WEE2: variants seen among roughly 807,000 people sequenced by gnomAD.
WEE2 encodes WEE2 oocyte meiosis inhibiting kinase.
Under a neutral mutation model 60.1 loss-of-function variants are expected in WEE2, and 50 were observed. The observed-to-expected ratio is 0.83, with a 90% confidence interval of 0.66 to 1.05. The LOEUF is 1.05. WEE2 is among the 50% of genes least tolerant of loss of function. The pLI is 0.00. For missense variants in WEE2, 631 were observed against 684.3 expected, an observed-to-expected ratio of 0.92 and a Z score of 0.87; for synonymous variants, 240 against 241.0, an observed-to-expected ratio of 1.00 and a Z score of 0.04.
rs776139333 is a variant in WEE2, at chr7:141,708,869, G to A, written c.111G>A (p.Ser37=). The A allele has an allele frequency of 1.9e-5, 31 of 1,614,148 alleles. 1 individual carries two copies. In the South Asian group the frequency reaches 2.1e-4, roughly 11 times the overall value. The change falls in exon 1 of 12, where the codon TCG becomes TCA. Residue 37 remains serine, a synonymous_variant. Coordinates refer to ENST00000397541, the MANE Select transcript of WEE2 (RefSeq NM_001105558.1). ...QKKVEESREA[S]SQTPEKGEVQ... ...AAGTAGAAGAAAGCAGGGAGGCTTC[G>A]AGCCAAACCCCAGAGAAGGGTGAAG...
At chr7:141,710,728 A>G (rs965871990) in intron 1 of WEE2, among the ~76,000 whole-genome samples, 3 of 152,154 alleles carry the variant, frequency 2.0e-5, no homozygotes, top group African/African-American at 4.8e-5. Context: ...CCACCAAGTT[A>G]TGGAGGGGAA....
At chr7:141,722,084 T>C (rs1798922925) in intron 5 of WEE2, among the ~76,000 whole-genome samples, 1 of 152,116 alleles carries the variant, frequency 6.6e-6, no homozygotes, top group African/African-American at 2.4e-5. Flanking sequence ...CTCTATAATT[T>C]GAAGAACCTG....
chr7:141,727,999 G>A (rs910095474), intron 10 of WEE2: 1 of 152,434 alleles, frequency 6.6e-6, no homozygotes, highest in African/African-American at 2.4e-5. Flanking sequence ...TACCTGGCAG[G>A]GAAGATACCA....
intron 3 of WEE2, 81 bp downstream of exon 3, chr7:141,716,348 T>C (rs1359893375): frequency 1.2e-5 from 15 of 1,233,880 alleles, no homozygotes; most frequent in African/African-American, 3.3e-5. Context: ...CCCTTCTCCC[T>C]CTCTCTCCTC....
At position 141,716,418 on chromosome 7, in the gene WEE2, C is replaced by A. The variant is rs376156110; in HGVS notation, c.585+151C>A. On this transcript the variant is annotated intron_variant, in intron 3 of 11. Transcript: ENST00000397541. ...TTCCTCACCCTCCCCTCCTCTCCTT[C>A]ACCCTGCACCCTCCCTCCCCTTCTT... The A allele has an allele frequency of 1.4e-4, 94 of 691,424 alleles. No individual in the cohort carries two copies. In the African/African-American group the frequency reaches 1.6e-3, roughly 12 times the overall value. The allele number at this position is 691,424 out of a possible 1,614,324, so 42.8% of individuals were successfully genotyped here. A position where few individuals can be genotyped will look rare whatever the true frequency, so the allele number is the denominator to read the frequency against.
chr7:141,729,981 CTG>C (rs575910317), intron 11 of WEE2, among the ~76,000 whole-genome samples: 263 of 135,116 alleles, frequency 1.9e-3, no homozygotes, highest in African/African-American at 7.4e-3. Context: ...GAGCGAGACT[CTG>C]TATCTAAAAA....
chr7:141,729,488 C>G, intron 10 of WEE2, 43 bp from the exon 11 acceptor site: 1 of 1,613,304 alleles, frequency 6.2e-7, no homozygotes, highest in Non-Finnish European at 8.5e-7. Flanking sequence ...ATATCTCTGA[C>G]TGGAGATCAA....
chr7:141,716,161 C>A, intron 2 of WEE2, 61 bp from the exon 3 acceptor site: 1 of 1,389,960 alleles, frequency 7.2e-7, no homozygotes. Flanking sequence ...TAGAACCTAG[C>A]ATAGTTCGGC....
chr7:141,709,765 G>A (rs1283754535), intron 1 of WEE2, among the ~76,000 whole-genome samples: 1 of 152,160 alleles, frequency 6.6e-6, no homozygotes, highest in East Asian at 1.9e-4. Context: ...TGGCAAATAA[G>A]CAAGAGTCCC....
At chr7:141,709,237 GAA>G in intron 1 of WEE2, 137 bp downstream of exon 1, 1 of 648,304 alleles carries the variant, frequency 1.5e-6, no homozygotes, top group Admixed American at 3.0e-5. Context: ...ATTTATTGAT[GAA>G]AATGAAGAAA....
Position 141,725,158 on chromosome 7 carries a change from C to T in WEE2, c.1354C>T (p.Pro452Ser). The T allele has an allele frequency of 6.2e-7, 1 of 1,614,190 alleles. No individual in the cohort carries two copies. Among genetic ancestry groups the T allele is most frequent in the Non-Finnish European group, 8.5e-7 (1 of 1,180,032 alleles). ...HIRKGNFPDV[P>S]QELSESFSSL... is the part of the protein sequence containing the mutation. ...CCGCAAGGGTAACTTTCCGGACGTT[C>T]CTCAGGAGCTCTCAGAAAGCTTTTC... is the stretch of plus-strand genomic sequence containing the variant. Residue 452 changes from proline (P) to serine (S), a missense_variant, in exon 9 of 12, where the codon CCT (proline) becomes TCT (serine). Transcript: ENST00000397541.
intron 1 of WEE2, among the ~76,000 whole-genome samples, chr7:141,710,188 C>G (rs77730357): frequency 0.01 from 1,580 of 152,308 alleles, 25 homozygotes; most frequent in African/African-American, 0.036. Flanking sequence ...ATAATACAGT[C>G]TCTGCCCTCA....
At chr7:141,717,116 T>C (rs908925473) in intron 3 of WEE2, among the ~76,000 whole-genome samples, 1 of 152,206 alleles carries the variant, frequency 6.6e-6, no homozygotes, top group African/African-American at 2.4e-5. Flanking sequence ...TGCAAAAGAC[T>C]CAAAATTTTA....
chr7:141,724,935 C>T, intron 8 of WEE2, 91 bp from the exon 9 acceptor site: 2 of 1,410,654 alleles, frequency 1.4e-6, no homozygotes, highest in Non-Finnish European at 1.9e-6. Context: ...ACCTTATATG[C>T]ACTCGAATGA....
chr7:141,712,682 G>A (rs1046260382), intron 1 of WEE2, among the ~76,000 whole-genome samples: 5 of 152,096 alleles, frequency 3.3e-5, no homozygotes, highest in African/African-American at 9.7e-5. Context: ...TGTCTTCCCT[G>A]ATATGAATAA....
intron 6 of WEE2, among the ~76,000 whole-genome samples, chr7:141,723,727 G>A (rs1798961875): frequency 1.3e-5 from 2 of 151,922 alleles, no homozygotes; most frequent in Middle Eastern, 3.2e-3. Context: ...AGAGAATGGA[G>A]AATATATGAG....
At position 141,727,371 on chromosome 7, in the gene WEE2, G is replaced by A. The variant is rs184712220; in HGVS notation, c.1460G>A (p.Arg487Gln). Residue 487 changes from arginine (R) to glutamine (Q), a missense_variant, in exon 10 of 12, where the codon CGG (arginine) becomes CAG (glutamine). Transcript: ENST00000397541. ...AAALARNTVL[R>Q]PSLGKTEELQ... is the part of the protein sequence containing the mutation. ...GCTCTGGCCAGAAATACAGTTCTCC[G>A]GCCTTCCCTGGGAAAAACAGAAGAG... 22 of 1,614,084 alleles carry A rather than the reference G, an allele frequency of 1.4e-5. No individual in the cohort carries two copies. Among genetic ancestry groups the A allele is most frequent in the African/African-American group, 1.1e-4 (8 of 74,976 alleles).
chr7:141,725,681 A>C (rs1181035218), intron 9 of WEE2, among the ~76,000 whole-genome samples: 1 of 151,722 alleles, frequency 6.6e-6, no homozygotes, highest in Non-Finnish European at 1.5e-5. Flanking sequence ...GAATTTCTTA[A>C]GGAAACTCGG....
intron 1 of WEE2, 23 bp downstream of exon 1, chr7:141,709,123 A>G: frequency 3.8e-6 from 6 of 1,590,496 alleles, no homozygotes; most frequent in Non-Finnish European, 4.3e-6. Flanking sequence ...TGGGGGAAAA[A>G]GGGACGCAGG....
Sources: allele counts gnomAD v4.1 joint callset (sites outside exome capture counted in the v4.1 genomes callset), GRCh38; gene constraint gnomAD v4.1.1; transcripts MANE v1.5; gene names NCBI Gene and HGNC (gene_info 2026-07-23, HGNC 2026-07-21).